Variants in FRY observed in about 807,000 individuals in gnomAD.
FRY encodes the protein FRY microtubule binding protein.
A neutral mutation model predicts 348.4 loss-of-function variants in FRY; 128 were observed. That is an observed-to-expected ratio of 0.37 (90% CI 0.32 to 0.43). The LOEUF is 0.43. Ranked by LOEUF, FRY falls within the 20% of genes least tolerant of loss-of-function variation. The pLI, the probability that FRY is intolerant of heterozygous loss-of-function variation, is 1.00. For missense variants in FRY, 2,736 were observed against 3,695.2 expected, an observed-to-expected ratio of 0.74 and a Z score of 6.73; for synonymous variants, 1,370 against 1,374.7, an observed-to-expected ratio of 1.00 and a Z score of 0.08.
intron 29 of FRY, among the ~76,000 whole-genome samples, chr13:32,198,626 T>G (rs1883827940): frequency 6.6e-6 from 1 of 152,156 alleles, no homozygotes; most frequent in Non-Finnish European, 1.5e-5. Flanking sequence ...TTGTGAAGAT[T>G]AAATAACAAA....
chr13:32,259,317 AG>A (rs777393202), intron 51 of FRY, among the ~76,000 whole-genome samples: 3 of 152,222 alleles, frequency 2.0e-5, no homozygotes, highest in Non-Finnish European at 4.4e-5. Flanking sequence ...AGCCACCACC[AG>A]GGGAACCATT....
At chr13:32,071,592 A>C (rs1347460472) in intron 1 of FRY, among the ~76,000 whole-genome samples, 2 of 152,176 alleles carry the variant, frequency 1.3e-5, no homozygotes, top group Non-Finnish European at 2.9e-5. Context: ...GAAGTTGCTT[A>C]TCATCTTAAG....
chr13:32,274,631 G>A (rs1186948070), intron 55 of FRY, among the ~76,000 whole-genome samples: 3 of 150,150 alleles, frequency 2.0e-5, no homozygotes, highest in Non-Finnish European at 3.0e-5. Context: ...GTGAACCTGG[G>A]AGGGGGAGCT....
intron 32 of FRY, among the ~76,000 whole-genome samples, 197 bp downstream of exon 32, chr13:32,209,306 C>T (rs1019525431): frequency 1.3e-5 from 2 of 151,992 alleles, no homozygotes; most frequent in Non-Finnish European, 1.5e-5. Flanking sequence ...TGATGGTAAA[C>T]TTTATGTTAT....
intron 50 of FRY, among the ~76,000 whole-genome samples, chr13:32,252,996 T>C (rs937403225): frequency 6.6e-6 from 1 of 152,236 alleles, no homozygotes; most frequent in Non-Finnish European, 1.5e-5. Context: ...ATTGCAGCAC[T>C]GCCAACAAGG....
chr13:32,216,880 T>C (rs541073312), intron 35 of FRY, among the ~76,000 whole-genome samples: 9 of 152,348 alleles, frequency 5.9e-5, no homozygotes, highest in Admixed American at 1.3e-4. Context: ...ATGAAGTTAC[T>C]GGGGAAAAGA....
At position 32,279,746 on chromosome 13, in the gene FRY, C is replaced by T. The variant is rs564778902; in HGVS notation, c.8469+1198C>T. On this transcript the variant is annotated intron_variant, in intron 58 of 60. Transcript: ENST00000542859. ...CAGTACTTTATTACGTAAAAAGAATCCAGTAAAGTCTGGTTTCTGGTCAGA... is the reference window on the plus strand; with the variant it reads ...CAGTACTTTATTACGTAAAAAGAATTCAGTAAAGTCTGGTTTCTGGTCAGA... Among the ~76,000 whole-genome samples, 172 of 152,294 alleles carry T rather than the reference C, an allele frequency of 1.1e-3. 1 individual carries two copies. Among genetic ancestry groups the T allele is most frequent in the African/African-American group, 3.9e-3 (162 of 41,556 alleles).
Position 32,210,894 on chromosome 13 carries a change from G to A in FRY, c.4451G>A (p.Arg1484His), listed in dbSNP as rs532282839. 17 of 1,613,860 alleles carry A rather than the reference G, an allele frequency of 1.1e-5. No individual in the cohort carries two copies. The highest frequency in any genetic ancestry group is 5.3e-5 in the African/African-American group (4 of 75,014). Residue 1484 changes from arginine (R) to histidine (H), a missense_variant, in exon 34 of 61, where the codon CGT (arginine) becomes CAT (histidine). Arg to His is a conservative substitution (Grantham distance 29). Coordinates refer to ENST00000542859, the MANE Select transcript of FRY (RefSeq NM_023037.3). ...YIKKVAIYLCRNNTIQTMEEL... is the reference protein window; with the variant it reads ...YIKKVAIYLCHNNTIQTMEEL... ...AAAAAAGTGGCAATATACTTGTGCC[G>A]TAACAACACCATTCAAACCATGGAA...
chr13:32,261,847 G>T, intron 52 of FRY, 31 bp downstream of exon 52: 1 of 1,598,060 alleles, frequency 6.3e-7, no homozygotes, highest in Non-Finnish European at 8.6e-7. Flanking sequence ...TCTAAGAATT[G>T]GGAGGCTTAT....
In FRY at chr13:32,170,955, C is replaced by A; in HGVS notation, c.1893-57C>A. 3 of 1,228,014 alleles carry A rather than the reference C, an allele frequency of 2.4e-6. No homozygotes were observed. The Admixed American group carries it at 5.0e-5, about 21-fold the overall frequency. The allele number at this position is 1,228,014 out of a possible 1,614,324, so 76.1% of individuals were successfully genotyped here. A position where few individuals can be genotyped will look rare whatever the true frequency, so the allele number is the denominator to read the frequency against. On this transcript the variant is annotated intron_variant, in intron 17 of 60. Coordinates refer to ENST00000542859, the MANE Select transcript of FRY (RefSeq NM_023037.3). ...ATTAATATCTATTAATCCTTGTTAG[C>A]TCTAGAAGACCAGTTAATAAAGTAA...
At position 32,031,793 on chromosome 13, in the gene FRY, G is replaced by C. The variant is rs770953359; in HGVS notation, c.-3G>C. On this transcript the variant is annotated 5_prime_UTR_variant, in exon 1 of 61. Coordinates refer to ENST00000542859, the MANE Select transcript of FRY (RefSeq NM_023037.3). ...CCTCCCAGCCTCTTTGTATGCCGCA[G>C]ACATGGCCAGCCAGCAGGATTCGGG... 6 of 1,602,350 alleles carry C rather than the reference G, an allele frequency of 3.7e-6. No individual in the cohort carries two copies. The highest frequency in any genetic ancestry group is 4.3e-6 in the Non-Finnish European group (5 of 1,170,760).
chr13:32,130,260 C>T (rs1012557903), intron 7 of FRY, among the ~76,000 whole-genome samples: 35 of 151,962 alleles, frequency 2.3e-4, no homozygotes, highest in Admixed American at 1.8e-3. Context: ...AGGCTGGTCT[C>T]GAACTCCTGA....
chr13:32,277,063 A>C (rs1421652597), intron 57 of FRY, among the ~76,000 whole-genome samples: 1 of 152,220 alleles, frequency 6.6e-6, no homozygotes, highest in Non-Finnish European at 1.5e-5. Context: ...AGTGATCTAG[A>C]AACCATCCAA....
intron 7 of FRY, among the ~76,000 whole-genome samples, chr13:32,129,051 T>C (rs2138744308): frequency 6.6e-6 from 1 of 152,302 alleles, no homozygotes; most frequent in Non-Finnish European, 1.5e-5. Context: ...ATTTTCTCCC[T>C]GTGTCTTCAT....
chr13:32,032,541 C>G (rs1341478595), intron 1 of FRY, among the ~76,000 whole-genome samples: 2 of 152,122 alleles, frequency 1.3e-5, no homozygotes, highest in Admixed American at 1.3e-4. Context: ...GGTTCTGACC[C>G]TAATTATTTA....
intron 3 of FRY, among the ~76,000 whole-genome samples, chr13:32,105,003 CG>C (rs1275405418): frequency 1.3e-5 from 2 of 152,098 alleles, no homozygotes; most frequent in Non-Finnish European, 2.9e-5. Flanking sequence ...TTATTAGCAG[CG>C]TGAGAACAGA....
intron 11 of FRY, among the ~76,000 whole-genome samples, chr13:32,139,498 G>C (rs142728558): frequency 6.6e-6 from 1 of 152,164 alleles, no homozygotes; most frequent in Non-Finnish European, 1.5e-5. Context: ...AGAAGTGTGC[G>C]TGAGCGTGAA....
intron 51 of FRY, among the ~76,000 whole-genome samples, chr13:32,256,540 A>T (rs1040545785): frequency 2.0e-5 from 3 of 152,214 alleles, no homozygotes; most frequent in Non-Finnish European, 4.4e-5. Flanking sequence ...TGTCCAAAAA[A>T]AAAAAAAAAT....
chr13:32,279,395 G>A (rs1310758174), intron 58 of FRY, among the ~76,000 whole-genome samples: 1 of 152,250 alleles, frequency 6.6e-6, no homozygotes, highest in Non-Finnish European at 1.5e-5. Context: ...AGCCCATGTG[G>A]CTGAAAGCAC....
Sources: gnomAD v4.1 joint callset for allele counts (sites outside exome capture counted in the v4.1 genomes callset) on GRCh38, gnomAD v4.1.1 for gene constraint, MANE v1.5 for transcripts, NCBI Gene and HGNC (gene_info 2026-07-23, HGNC 2026-07-21) for gene names.